Variants in MEGF11 observed in about 807,000 individuals in gnomAD.
MEGF11 encodes multiple epidermal growth factor-like domains protein 11.
MEGF11 carries 126 observed loss-of-function variants against 146.6 expected under a neutral mutation model. The observed-to-expected ratio is 0.86, with a 90% confidence interval of 0.74 to 1.00. MEGF11 has a LOEUF of 1.00. Ranked by LOEUF, MEGF11 falls within the 50% of genes least tolerant of loss-of-function variation. MEGF11 has a pLI of 0.00. For missense variants in MEGF11, 1,509 were observed against 1,521.2 expected (o/e 0.99, Z 0.13); for synonymous variants, 532 against 583.4 (o/e 0.91, Z 1.27).
intron 5 of MEGF11, among the ~76,000 whole-genome samples, chr15:66,016,436 C>G (rs906325126): frequency 2.7e-5 from 4 of 147,702 alleles, no homozygotes; most frequent in Admixed American, 6.8e-5. Context: ...ATTTGTCATT[C>G]TATTCTAAAA....
chr15:66,147,443 A>G lies in MEGF11; in HGVS notation c.-8-19032T>C, dbSNP rs553902521. On this transcript the variant is annotated intron_variant, in intron 1 of 25. Coordinates refer to ENST00000395614, the MANE Select transcript of MEGF11 (RefSeq NM_001385028.1). ...TTCTAACGGGAAAGAGAATAACATT[A>G]CCAGAAAACCACAGACCCTGTGGTT... Among the ~76,000 whole-genome samples the G allele has an allele frequency of 9.8e-5, 15 of 152,354 alleles. No individual in the cohort carries two copies. The South Asian group carries it at 3.1e-3, about 32-fold the overall frequency.
chr15:65,984,141 T>C (rs138908029), intron 5 of MEGF11, among the ~76,000 whole-genome samples: 74 of 152,246 alleles, frequency 4.9e-4, no homozygotes, highest in African/African-American at 1.7e-3. Flanking sequence ...AAGTTATGAG[T>C]GAGTCTCACC....
At chr15:65,974,108 A>G (rs940730289) in intron 7 of MEGF11, among the ~76,000 whole-genome samples, 5 of 152,220 alleles carry the variant, frequency 3.3e-5, no homozygotes, top group African/African-American at 1.2e-4. Context: ...ACAATTATTA[A>G]GCACCAATAA....
At position 66,128,349 on chromosome 15, in the gene MEGF11, C is replaced by T; in HGVS notation, c.55G>A (p.Ala19Thr). The change falls in exon 2 of 26, where the codon GCC becomes ACC. Residue 19 changes from alanine (A) to threonine (T), a missense_variant. Transcript: ENST00000395614. The stretch of plus-strand genomic sequence containing the variant: ...ACGTTGGGGTCCTCGGGGTTCAGGG[C>T]AAGGGTGGCTTGCAGGAAGGAGAAG... ...IAFSFLQATL[A>T]LNPEDPNVCS... The T allele has an allele frequency of 6.6e-7, 1 of 1,525,764 alleles. No homozygotes were observed. Among genetic ancestry groups the T allele is most frequent in the Non-Finnish European group, 8.8e-7 (1 of 1,134,992 alleles). The allele number at this position is 1,525,764 out of a possible 1,614,324, so 94.5% of individuals were successfully genotyped here.
chr15:66,230,895 C>A (rs929157996), intron 1 of MEGF11, among the ~76,000 whole-genome samples: 8 of 152,120 alleles, frequency 5.3e-5, no homozygotes, highest in African/African-American at 1.9e-4. Context: ...TTGGCTCGTC[C>A]AAATCACTCA....
chr15:66,208,776 G>A (rs1046712016), intron 1 of MEGF11, among the ~76,000 whole-genome samples: 6 of 152,190 alleles, frequency 3.9e-5, no homozygotes, highest in Admixed American at 2.0e-4. Context: ...CAGCTACTCA[G>A]GAGGCTGAGG....
chr15:65,932,821 G>A (rs987893935), intron 10 of MEGF11, among the ~76,000 whole-genome samples: 7 of 152,002 alleles, frequency 4.6e-5, no homozygotes, highest in African/African-American at 1.5e-4. Flanking sequence ...TCCAGCCAGC[G>A]TCTCAGGCCT....
intron 4 of MEGF11, among the ~76,000 whole-genome samples, chr15:66,095,998 G>T (rs909277059): frequency 6.6e-6 from 1 of 152,212 alleles, no homozygotes; most frequent in African/African-American, 2.4e-5. Context: ...TGCTGCCCGG[G>T]CTCCCCCTGT....
At chr15:66,077,716 A>G (rs972364391) in intron 5 of MEGF11, among the ~76,000 whole-genome samples, 3 of 152,192 alleles carry the variant, frequency 2.0e-5, no homozygotes, top group Non-Finnish European at 4.4e-5. Context: ...GACAAACACA[A>G]TCAAACCAAA....
chr15:66,246,340 G>A (rs966792457), intron 1 of MEGF11, among the ~76,000 whole-genome samples: 1 of 152,126 alleles, frequency 6.6e-6, no homozygotes, highest in African/African-American at 2.4e-5. Context: ...ATGGGGGCAG[G>A]GGTACCTGCT....
intron 1 of MEGF11, among the ~76,000 whole-genome samples, chr15:66,209,196 A>G (rs890683971): frequency 3.9e-5 from 6 of 151,956 alleles, no homozygotes; most frequent in Admixed American, 6.5e-5. Flanking sequence ...TAAAAATACA[A>G]AAAATTAGCC....
At chr15:66,195,893 A>G (rs1427279840) in intron 1 of MEGF11, among the ~76,000 whole-genome samples, 1 of 152,206 alleles carries the variant, frequency 6.6e-6, no homozygotes, top group Non-Finnish European at 1.5e-5. Flanking sequence ...TCACCACAGC[A>G]GGGGCTGGAG....
chr15:66,239,179 C>G (rs540549412), intron 1 of MEGF11, among the ~76,000 whole-genome samples: 2 of 152,198 alleles, frequency 1.3e-5, no homozygotes, highest in African/African-American at 4.8e-5. Flanking sequence ...AAGACCTCTA[C>G]AGCTGTCATG....
Position 66,204,524 on chromosome 15 carries a change from A to G in MEGF11, c.-9+49081T>C, listed in dbSNP as rs117834601. Among the ~76,000 whole-genome samples the G allele has an allele frequency of 4.9e-3, 746 of 152,328 alleles. 7 individuals carry two copies. The highest frequency in any genetic ancestry group is 7.3e-3 in the Non-Finnish European group (498 of 68,022). Reference sequence around the variant, plus strand: ...AGCTGCTGAGTGACCTGTGGTAGAAAAGGCATGTGCACTGGGTTCAAGGCC... The same window carrying G: ...AGCTGCTGAGTGACCTGTGGTAGAAGAGGCATGTGCACTGGGTTCAAGGCC... On this transcript the variant is annotated intron_variant, in intron 1 of 25. Coordinates refer to ENST00000395614, the MANE Select transcript of MEGF11 (RefSeq NM_001385028.1).
At chr15:66,205,671 G>A (rs189854035) in intron 1 of MEGF11, among the ~76,000 whole-genome samples, 1 of 152,310 alleles carries the variant, frequency 6.6e-6, no homozygotes, top group Admixed American at 6.5e-5. Flanking sequence ...CATGTGGTGA[G>A]GTGGAACTCC....
intron 10 of MEGF11, among the ~76,000 whole-genome samples, chr15:65,951,570 C>T (rs1447058225): frequency 6.6e-6 from 1 of 151,914 alleles, no homozygotes; most frequent in Non-Finnish European, 1.5e-5. Context: ...GCCTGTAATC[C>T]CAGCTACTCA....
intron 5 of MEGF11, among the ~76,000 whole-genome samples, chr15:66,006,724 C>G (rs1018193582): frequency 3.3e-5 from 5 of 152,206 alleles, no homozygotes; most frequent in African/African-American, 1.2e-4. Context: ...ATTAAATAAC[C>G]TGTATATAAA....
intron 5 of MEGF11, among the ~76,000 whole-genome samples, chr15:66,030,855 C>T (rs971298788): frequency 7.2e-5 from 11 of 152,188 alleles, no homozygotes; most frequent in African/African-American, 1.4e-4. Flanking sequence ...TTACTGCTAA[C>T]GAGCATTACA....
chr15:66,165,077 C>G (rs2090061119), intron 1 of MEGF11, among the ~76,000 whole-genome samples: 2 of 152,214 alleles, frequency 1.3e-5, no homozygotes, highest in South Asian at 4.1e-4. Flanking sequence ...CTATGACCAA[C>G]CCCTCACAGC....
Sources: gnomAD v4.1 joint callset for allele counts (sites outside exome capture counted in the v4.1 genomes callset) on GRCh38, gnomAD v4.1.1 for gene constraint, MANE v1.5 for transcripts, NCBI Gene and HGNC (gene_info 2026-07-23, HGNC 2026-07-21) for gene names.